The following DDX31 variants were observed in gnomAD, a reference collection of about 807,000 sequenced individuals.
The protein encoded by DDX31 is ATP-dependent DNA helicase DDX31.
A neutral mutation model predicts 91.3 loss-of-function variants in DDX31; 70 were observed. The ratio of observed to expected loss-of-function variants is 0.77; its 90% CI spans 0.63 to 0.94. The LOEUF (loss-of-function observed/expected upper bound fraction) is 0.94. Among genes scored for constraint, DDX31 ranks in the 40% least tolerant of loss-of-function variants. The probability of loss-of-function intolerance (pLI) is 0.00; values close to 1 mark genes in which losing one functional copy is unlikely to be tolerated. For missense variants in DDX31, 902 were observed against 925.0 expected, an observed-to-expected ratio of 0.98 and a Z score of 0.32; for synonymous variants, 362 against 350.6, an observed-to-expected ratio of 1.03 and a Z score of -0.36.
At chr9:132,626,576 GAGA>G (rs1277180927) in intron 16 of DDX31, among the ~76,000 whole-genome samples, 6 of 152,224 alleles carry the variant, frequency 3.9e-5, no homozygotes, top group South Asian at 2.1e-4. Flanking sequence ...GAAACAGAAA[GAGA>G]AGAAGGAGTT....
intron 14 of DDX31, among the ~76,000 whole-genome samples, chr9:132,634,356 G>A (rs573843261): frequency 1.8e-4 from 28 of 151,974 alleles, no homozygotes; most frequent in African/African-American, 5.6e-4. Flanking sequence ...TTCTATCTAC[G>A]CATGCCCACG....
intron 6 of DDX31, 127 bp from the exon 7 acceptor site, chr9:132,652,619 AG>A: frequency 8.1e-7 from 1 of 1,238,434 alleles, no homozygotes; most frequent in Non-Finnish European, 1.1e-6. Flanking sequence ...GGACAAAATA[AG>A]GTTGCCCACT....
intron 18 of DDX31, among the ~76,000 whole-genome samples, chr9:132,615,922 G>C (rs1426388890): frequency 1.3e-5 from 2 of 152,188 alleles, no homozygotes; most frequent in African/African-American, 4.8e-5. Flanking sequence ...CTGCCATCAA[G>C]GCAAAAGCCA....
At chr9:132,612,882 C>T (rs1016648544) in intron 18 of DDX31, among the ~76,000 whole-genome samples, 1 of 152,118 alleles carries the variant, frequency 6.6e-6, no homozygotes, top group Admixed American at 6.5e-5. Context: ...ATCCCTGATA[C>T]CAGTTTTTTG....
At chr9:132,636,959 G>A (rs371141592) in intron 14 of DDX31, among the ~76,000 whole-genome samples, 1 of 152,190 alleles carries the variant, frequency 6.6e-6, no homozygotes, top group Non-Finnish European at 1.5e-5. Flanking sequence ...ACGTCATGAG[G>A]TTGTTGCTAA....
At chr9:132,662,205 T>C (rs1835005093) in intron 3 of DDX31, 56 bp downstream of exon 3, 1 of 1,582,942 alleles carries the variant, frequency 6.3e-7, no homozygotes, top group East Asian at 2.3e-5. Flanking sequence ...ACAGACCTTC[T>C]GAACGGACAA....
At chr9:132,650,963 G>A in intron 8 of DDX31, 112 bp downstream of exon 8, 1 of 1,134,218 alleles carries the variant, frequency 8.8e-7, no homozygotes, top group Non-Finnish European at 1.3e-6. Context: ...GAGATATCCA[G>A]GCAAAAGGAA....
At chr9:132,601,316 T>C (rs1830708293) in intron 19 of DDX31, among the ~76,000 whole-genome samples, 1 of 152,124 alleles carries the variant, frequency 6.6e-6, no homozygotes, top group Non-Finnish European at 1.5e-5. Context: ...TGTTAGAAGG[T>C]AGGGTGGCAT....
intron 19 of DDX31, among the ~76,000 whole-genome samples, chr9:132,605,281 T>A (rs1830949167): frequency 6.6e-6 from 1 of 152,206 alleles, no homozygotes; most frequent in Non-Finnish European, 1.5e-5. Context: ...CTGTGACAGG[T>A]GCTGGGCATT....
rs184783584 is a variant in DDX31 at position 132,635,000 on chromosome 9, G to A, written c.1441-2909C>T. 7.9e-5 allele frequency among the ~76,000 whole-genome samples: 12 copies of A among 151,944 alleles called. No individual in the cohort carries two copies. In the East Asian group the frequency reaches 2.1e-3, roughly 27 times the overall value. ...CTTTGATTGACTTACTTAGTTTTTC[G>A]ATGTCTGTCATTTTTTAAGAACATC... On this transcript the variant is annotated intron_variant, in intron 14 of 19. Transcript: ENST00000372159.
At chr9:132,634,019 C>A (rs1286287457) in intron 14 of DDX31, among the ~76,000 whole-genome samples, 1 of 152,114 alleles carries the variant, frequency 6.6e-6, no homozygotes, top group East Asian at 1.9e-4. Flanking sequence ...GACAAATGAT[C>A]TGGTTTCTTC....
intron 19 of DDX31, among the ~76,000 whole-genome samples, chr9:132,601,912 C>T (rs1484603107): frequency 6.6e-6 from 1 of 152,220 alleles, no homozygotes; most frequent in East Asian, 1.9e-4. Flanking sequence ...CTCTATTCAG[C>T]ACACAGCCTG....
At chr9:132,662,205 T>A in intron 3 of DDX31, 56 bp downstream of exon 3, 1 of 1,582,942 alleles carries the variant, frequency 6.3e-7, no homozygotes, top group Non-Finnish European at 8.7e-7. Context: ...ACAGACCTTC[T>A]GAACGGACAA....
chr9:132,607,259 T>C (rs1286970878), intron 19 of DDX31, among the ~76,000 whole-genome samples: 3 of 152,228 alleles, frequency 2.0e-5, no homozygotes, highest in Non-Finnish European at 4.4e-5. Context: ...TACTAGGTAC[T>C]AAGGGGTAAG....
At chr9:132,669,219 T>C (rs182086914) in intron 1 of DDX31, among the ~76,000 whole-genome samples, 16 of 152,008 alleles carry the variant, frequency 1.1e-4, no homozygotes, top group Admixed American at 3.9e-4. Context: ...GCTATGTTAA[T>C]AGAGATTCTT....
intron 17 of DDX31, among the ~76,000 whole-genome samples, chr9:132,624,241 A>G (rs1832252492): frequency 6.6e-6 from 1 of 152,092 alleles, no homozygotes; most frequent in Non-Finnish European, 1.5e-5. Context: ...TAGTTCCAAA[A>G]GAACGGAAGT....
At chr9:132,638,337 T>C (rs1275650223) in intron 14 of DDX31, 1 of 1,614,120 alleles carries the variant, frequency 6.2e-7, no homozygotes, top group South Asian at 1.1e-5. Flanking sequence ...CAAGGTTCCT[T>C]TCCTCTGGCT....
chr9:132,597,436 T>C (rs530065125), intron 19 of DDX31, among the ~76,000 whole-genome samples: 1 of 152,240 alleles, frequency 6.6e-6, no homozygotes, highest in South Asian at 2.1e-4. Flanking sequence ...TGCTTTTTCT[T>C]CCCTCTTGTT....
chr9:132,606,538 C>T (rs1458244111), intron 19 of DDX31, among the ~76,000 whole-genome samples: 3 of 152,214 alleles, frequency 2.0e-5, no homozygotes, highest in Admixed American at 6.5e-5. Flanking sequence ...ACAATATGGT[C>T]GTTGTGATGA....
Sources: allele counts gnomAD v4.1 joint callset (sites outside exome capture counted in the v4.1 genomes callset), GRCh38; gene constraint gnomAD v4.1.1; transcripts MANE v1.5; gene names NCBI Gene and HGNC (gene_info 2026-07-23, HGNC 2026-07-21).